CBLC: variants seen among roughly 807,000 people sequenced by gnomAD.
CBLC encodes the protein Cbl proto-oncogene C.
In CBLC, 46 loss-of-function variants were observed where a neutral mutation model predicts 58.6. The observed-to-expected ratio is 0.79, with a 90% CI of 0.62 to 1.00. The LOEUF is 1.00. Among genes scored for constraint, CBLC ranks in the 50% least tolerant of loss-of-function variants. The pLI is 0.00. For synonymous variants in CBLC, 271 were observed against 264.2 expected (o/e 1.03, Z -0.25); for missense variants, 655 against 625.8 (o/e 1.05, Z -0.50).
chr19:44,794,127 T>C, intron 8 of CBLC, 77 bp from the exon 9 acceptor site: 2 of 1,548,336 alleles, frequency 1.3e-6, no homozygotes, highest in Non-Finnish European at 1.7e-6. Flanking sequence ...GAATGCTGAG[T>C]CCCAGGCAGG....
At chr19:44,792,633 A>C (rs1424589452) in intron 7 of CBLC, 119 bp downstream of exon 7, 1 of 1,090,414 alleles carries the variant, frequency 9.2e-7, no homozygotes, top group East Asian at 2.9e-5. Context: ...GAGAGGGCAA[A>C]GAGCTGATGG....
chr19:44,786,576 C>CAGAGCA (rs1568559612), intron 5 of CBLC, among the ~76,000 whole-genome samples: 1 of 142,288 alleles, frequency 7.0e-6, no homozygotes, highest in African/African-American at 2.6e-5. Flanking sequence ...GCCTGAGCGA[C>CAGAGCA]AGAGCAAGAC....
chr19:44,783,370 G>A (rs1022929464), intron 4 of CBLC, among the ~76,000 whole-genome samples: 4 of 152,244 alleles, frequency 2.6e-5, no homozygotes, highest in Admixed American at 1.3e-4. Context: ...TTAGCCAAGC[G>A]TGGTGGCGTG....
chr19:44,794,314 G>A (rs781596263), intron 9 of CBLC, 33 bp downstream of exon 9: 12 of 1,603,194 alleles, frequency 7.5e-6, no homozygotes, highest in South Asian at 3.3e-5. Context: ...GTTGGGGGCT[G>A]GGGTCTCACT....
intron 1 of CBLC, among the ~76,000 whole-genome samples, chr19:44,779,445 A>G (rs1967663752): frequency 6.6e-6 from 1 of 152,214 alleles, no homozygotes; most frequent in East Asian, 1.9e-4. Flanking sequence ...GCACTGAGGA[A>G]GGAATCTCAG....
chr19:44,792,565 G>A, intron 7 of CBLC, 51 bp downstream of exon 7: 5 of 1,494,282 alleles, frequency 3.3e-6, no homozygotes, highest in Non-Finnish European at 4.4e-6. Flanking sequence ...CCTCTCTACA[G>A]GGAAAGCCCC....
At chr19:44,779,551 CTCTT>C (rs1967665760) in intron 1 of CBLC, among the ~76,000 whole-genome samples, 1 of 138,822 alleles carries the variant, frequency 7.2e-6, no homozygotes, top group African/African-American at 3.1e-5. Context: ...TTTGTAGTGT[CTCTT>C]TTTTTTTTTT....
At chr19:44,789,863 T>C (rs1404215860) in intron 5 of CBLC, 141 bp from the exon 6 acceptor site, 1 of 663,692 alleles carries the variant, frequency 1.5e-6, no homozygotes, top group Non-Finnish European at 2.8e-6. Context: ...GGAGGGAAAA[T>C]AAGCCCAGGC....
In CBLC at chr19:44,800,385, T is replaced by C. The variant is rs762400110; in HGVS notation, c.1367T>C (p.Leu456Pro). The change falls in exon 10 of 11, where the codon CTC becomes CCC. Residue 456 changes from leucine to proline, a missense_variant. This residue lies in a region of CBLC where 371 missense variants were observed against 370.8 expected (regional missense o/e 1.00). Coordinates refer to ENST00000647358, the MANE Select transcript of CBLC (RefSeq NM_012116.4). Reference protein sequence around the residue: ...KPRNAQPKVRLLKGNSPPAAL... With the variant: ...KPRNAQPKVRPLKGNSPPAAL... ...CTCAAAATATCTCCATTGCAGAGAC[T>C]CCTAAAGGGGAACTCCCCTCCAGCT... 5.0e-6 allele frequency: 8 copies of C among 1,610,944 alleles called. No individual in the cohort carries two copies. Among genetic ancestry groups the C allele is most frequent in the Non-Finnish European group, 6.8e-6 (8 of 1,177,230 alleles).
rs1452127924 is a variant in CBLC at position 44,783,893 on chromosome 19, T to A, written c.780-371T>A. Among the ~76,000 whole-genome samples, 39 of 152,124 alleles carry A rather than the reference T, an allele frequency of 2.6e-4. 1 individual carries two copies. Among genetic ancestry groups the A allele is most frequent in the Admixed American group, 2.6e-3 (39 of 15,262 alleles). ...TGTGTACCCTACCTTCTTAGCAACCTCTGTAAGAAAGGGGGCACCTTGCTC... is the reference window on the plus strand; with the variant it reads ...TGTGTACCCTACCTTCTTAGCAACCACTGTAAGAAAGGGGGCACCTTGCTC... On this transcript the variant is annotated intron_variant, in intron 4 of 10. Transcript: ENST00000647358.
intron 9 of CBLC, among the ~76,000 whole-genome samples, chr19:44,795,332 A>T (rs1225742162): frequency 6.6e-6 from 1 of 151,822 alleles, no homozygotes. Flanking sequence ...CCTGGGCAAC[A>T]TCACAAGACC....
chr19:44,784,861 C>T (rs886832763), intron 5 of CBLC, among the ~76,000 whole-genome samples: 1 of 150,564 alleles, frequency 6.6e-6, no homozygotes, highest in African/African-American at 2.4e-5. Context: ...CCACCGTGCC[C>T]AGCCAGCTTT....
intron 3 of CBLC, 134 bp downstream of exon 3, chr19:44,781,497 C>A: frequency 1.1e-6 from 1 of 874,922 alleles, no homozygotes; most frequent in Non-Finnish European, 1.7e-6. Context: ...GGGCCGGGGC[C>A]TGGACTCCTG....
intron 9 of CBLC, among the ~76,000 whole-genome samples, chr19:44,798,880 T>C (rs1354413327): frequency 6.6e-6 from 1 of 152,174 alleles, no homozygotes; most frequent in Non-Finnish European, 1.5e-5. Flanking sequence ...CTCCACCTCC[T>C]TTCCGGCAAC....
chr19:44,800,456 T>C lies in CBLC; in HGVS notation c.*7+6T>C. The C allele has an allele frequency of 6.3e-7, 1 of 1,598,746 alleles. No homozygotes were observed. Among genetic ancestry groups the C allele is most frequent in the Non-Finnish European group, 8.6e-7 (1 of 1,166,984 alleles). On this transcript the variant is annotated splice_donor_region_variant and intron_variant, in intron 10 of 10. Transcript: ENST00000647358. Reference sequence around the variant, plus strand: ...TGCCCCGGCCTGAAGGCCAGGTGAGTCCATTCCCTAACCCTCCCTGGCCCA... The same window carrying C: ...TGCCCCGGCCTGAAGGCCAGGTGAGCCCATTCCCTAACCCTCCCTGGCCCA...
chr19:44,782,672 G>A lies in CBLC; in HGVS notation c.779+181G>A, dbSNP rs192645219. On this transcript the variant is annotated intron_variant, in intron 4 of 10. Transcript: ENST00000647358. ...CCCCTCCCAGCCCGCCTCTTCTCTCGAGGCCTCCTGTACTGTCCCATAATC... is the reference window on the plus strand; with the variant it reads ...CCCCTCCCAGCCCGCCTCTTCTCTCAAGGCCTCCTGTACTGTCCCATAATC... 1.1e-3 allele frequency among the ~76,000 whole-genome samples: 162 copies of A among 152,188 alleles called. 1 individual carries two copies. The highest frequency in any genetic ancestry group is 3.7e-3 in the African/African-American group (154 of 41,516).
At chr19:44,791,996 C>CT (rs113106418) in intron 6 of CBLC, among the ~76,000 whole-genome samples, 3,199 of 141,158 alleles carry the variant, frequency 0.023, 107 homozygotes, top group African/African-American at 0.069. Context: ...TTCTTTCTTT[C>CT]TTTTTTTTTT....
At chr19:44,797,657 A>C (rs1599875743) in intron 9 of CBLC, among the ~76,000 whole-genome samples, 1 of 144,812 alleles carries the variant, frequency 6.9e-6, no homozygotes, top group Non-Finnish European at 1.5e-5. Context: ...CAGGAGGCTG[A>C]GGCAGGAGAA....
chr19:44,796,789 A>G (rs1453905681), intron 9 of CBLC, among the ~76,000 whole-genome samples: 1 of 152,010 alleles, frequency 6.6e-6, no homozygotes, highest in Admixed American at 6.6e-5. Context: ...ATCTCTTAGT[A>G]TCTCCGGCTG....
Sources: allele counts gnomAD v4.1 joint callset (sites outside exome capture counted in the v4.1 genomes callset), GRCh38; gene constraint gnomAD v4.1.1; regional missense constraint gnomAD v4.1.1; transcripts MANE v1.5; gene names NCBI Gene and HGNC (gene_info 2026-07-23, HGNC 2026-07-21).